Variants in BIRC6 observed in about 807,000 individuals in gnomAD.
BIRC6 encodes baculoviral IAP repeat containing 6.
Under a neutral mutation model 503.3 loss-of-function variants are expected in BIRC6, and 98 were observed. The ratio of observed to expected loss-of-function variants is 0.19; its 90% confidence interval spans 0.17 to 0.23. The LOEUF is 0.23. Among genes scored for constraint, BIRC6 ranks in the 10% least tolerant of loss-of-function variants. BIRC6 has a pLI of 1.00. For missense variants in BIRC6, 5,360 were observed against 5,806.0 expected (o/e 0.92, Z 2.50); for synonymous variants, 2,240 against 2,078.7 (o/e 1.08, Z -2.11).
intron 60 of BIRC6, 30 bp from the exon 61 acceptor site, chr2:32,531,325 C>A (rs376696169): frequency 3.9e-6 from 6 of 1,539,982 alleles, no homozygotes; most frequent in Non-Finnish European, 5.3e-6. Flanking sequence ...CCTTTCTTAC[C>A]TATTCAGTTA....
chr2:32,529,808 A>G lies in BIRC6; in HGVS notation c.12078A>G (p.Arg4026=). The change falls in exon 60 of 74, where the codon AGA becomes AGG. Residue 4026 remains arginine, a synonymous_variant. Transcript: ENST00000421745. ...PSLSKTDSYK[R]LHPEKDHGDL... is the part of the protein sequence containing the mutation. ...TATCAAAAACAGATTCTTATAAAAG[A>G]CTACACCCTGAAAAAGGTATGTGCA... The G allele has an allele frequency of 6.2e-7, 1 of 1,608,060 alleles. No homozygotes were observed. Among genetic ancestry groups the G allele is most frequent in the Non-Finnish European group, 8.5e-7 (1 of 1,177,226 alleles).
chr2:32,421,857 T>A (rs1317051354), intron 10 of BIRC6, among the ~76,000 whole-genome samples: 1 of 152,224 alleles, frequency 6.6e-6, no homozygotes, highest in Non-Finnish European at 1.5e-5. Context: ...ACGTGTATGT[T>A]TTTTAGTTGT....
intron 25 of BIRC6, 98 bp downstream of exon 25, chr2:32,464,921 G>A: frequency 7.0e-7 from 1 of 1,424,728 alleles, no homozygotes; most frequent in Non-Finnish European, 9.5e-7. Context: ...CCAACTAGAT[G>A]TATCAAGTTA....
rs116727308 is a variant in BIRC6 at position 32,420,965 on chromosome 2, G to A, written c.2872+4802G>A. ...TTTTTTTTTTTTTTCAGAACAACCAGCTTCTGATTTAAATGACATTTTTTT... is the reference window on the plus strand; with the variant it reads ...TTTTTTTTTTTTTTCAGAACAACCAACTTCTGATTTAAATGACATTTTTTT... On this transcript the variant is annotated intron_variant, in intron 10 of 73. Transcript: ENST00000421745. Among the ~76,000 whole-genome samples, 480 of 141,794 alleles carry A rather than the reference G, an allele frequency of 3.4e-3. 4 individuals carry two copies. Among genetic ancestry groups the A allele is most frequent in the African/African-American group, 0.011 (428 of 38,278 alleles). The allele number at this position is 141,794 out of a possible 152,430, so 93.0% of individuals were successfully genotyped here. A position where few individuals can be genotyped will look rare whatever the true frequency, so the allele number is the denominator to read the frequency against.
intron 19 of BIRC6, among the ~76,000 whole-genome samples, chr2:32,442,958 A>G (rs1460147721): frequency 6.6e-6 from 1 of 152,170 alleles, no homozygotes; most frequent in East Asian, 1.9e-4. Context: ...TGAGCCATAT[A>G]TATAGTATTG....
At chr2:32,500,783 T>G (rs2053092405) in intron 46 of BIRC6, among the ~76,000 whole-genome samples, 1 of 151,890 alleles carries the variant, frequency 6.6e-6, no homozygotes, top group South Asian at 2.1e-4. Context: ...TTTTTTGTAT[T>G]TAGTAGAGAT....
intron 66 of BIRC6, among the ~76,000 whole-genome samples, chr2:32,589,371 T>A (rs550020158): frequency 6.6e-6 from 1 of 152,290 alleles, no homozygotes; most frequent in South Asian, 2.1e-4. Flanking sequence ...CCCCACTTCC[T>A]TTTTATATAC....
intron 46 of BIRC6, among the ~76,000 whole-genome samples, chr2:32,501,150 T>C (rs550280451): frequency 3.9e-5 from 6 of 152,352 alleles, no homozygotes; most frequent in African/African-American, 1.4e-4. Flanking sequence ...TTAAAATAAA[T>C]GAACATTTGT....
intron 12 of BIRC6, among the ~76,000 whole-genome samples, chr2:32,431,866 A>G (rs1192453598): frequency 6.6e-6 from 1 of 152,258 alleles, no homozygotes; most frequent in African/African-American, 2.4e-5. Context: ...CATAAAAGCT[A>G]TGAAGAATGT....
intron 31 of BIRC6, 86 bp from the exon 32 acceptor site, chr2:32,470,928 A>G (rs2049032309): frequency 7.4e-7 from 1 of 1,345,876 alleles, no homozygotes; most frequent in Non-Finnish European, 1.0e-6. Context: ...GATTTATAGA[A>G]TGTTTTGTTT....
chr2:32,467,975 A>G lies in BIRC6; in HGVS notation c.5644A>G (p.Thr1882Ala). The G allele has an allele frequency of 6.2e-7, 1 of 1,613,800 alleles. No individual in the cohort carries two copies. Among genetic ancestry groups the G allele is most frequent in the Non-Finnish European group, 8.5e-7 (1 of 1,179,822 alleles). Residue 1882 changes from threonine to alanine, a missense_variant, in exon 28 of 74, where the codon ACC becomes GCC. Around this residue, in one of 16 missense-constraint regions of BIRC6, gnomAD observed 2,299 missense variants for 2,267.2 expected, o/e 1.01. Coordinates refer to ENST00000421745, the MANE Select transcript of BIRC6 (RefSeq NM_016252.4). ...CCCATTAGGATTTTACTATGGTCAT[A>G]CCTACATCTTGCCTTGGGAAAGTGA... is the stretch of plus-strand genomic sequence containing the variant. ...KIPLGFYYGH[T>A]YILPWESELK... is the part of the protein sequence containing the mutation.
rs55964632 is a variant in BIRC6, at chr2:32,403,928, GTT to G, written c.1418+2320_1418+2321del. Among the ~76,000 whole-genome samples the G allele has an allele frequency of 6.8e-3, 890 of 130,636 alleles. 4 individuals carry two copies. The highest frequency in any genetic ancestry group is 0.022 in the African/African-American group (772 of 35,050). The allele number at this position is 130,636 out of a possible 152,430, so 85.7% of individuals were successfully genotyped here. Reference sequence around the variant, plus strand: ...TAGTTTCTTTTTAAAATGTGTGTGTGTTTTTTTTTTTTTTTTGGAGACAGAGT... The same window carrying G: ...TAGTTTCTTTTTAAAATGTGTGTGTGTTTTTTTTTTTTTTGGAGACAGAGT... On this transcript the variant is annotated intron_variant, in intron 8 of 73. Transcript: ENST00000421745.
chr2:32,362,259 T>A (rs370538478), intron 1 of BIRC6, among the ~76,000 whole-genome samples: 37 of 152,254 alleles, frequency 2.4e-4, no homozygotes, highest in African/African-American at 8.7e-4. Context: ...AATGACATGA[T>A]GTTGAGCATC....
intron 37 of BIRC6, 71 bp from the exon 38 acceptor site, chr2:32,481,249 C>A: frequency 3.9e-6 from 5 of 1,283,272 alleles, no homozygotes; most frequent in East Asian, 2.9e-5. Context: ...CTTTTTTTAA[C>A]TAAAAGCATT....
intron 15 of BIRC6, among the ~76,000 whole-genome samples, chr2:32,438,793 C>T (rs1408770524): frequency 6.6e-6 from 1 of 152,082 alleles, no homozygotes; most frequent in Non-Finnish European, 1.5e-5. Flanking sequence ...ATCTCCTGAC[C>T]TTGTGATCTG....
intron 26 of BIRC6, among the ~76,000 whole-genome samples, chr2:32,465,913 C>G (rs1217354274): frequency 4.3e-5 from 6 of 140,274 alleles, no homozygotes; most frequent in Admixed American, 3.5e-4. Context: ...ACAGTATTTT[C>G]TGCCCAACTA....
At chr2:32,590,737 A>G in intron 66 of BIRC6, 1 of 955,194 alleles carries the variant, frequency 1.0e-6, no homozygotes, top group Non-Finnish European at 1.2e-6. Context: ...TTCACAGCAT[A>G]GTGGAAAATG....
chr2:32,360,822 T>G (rs928288441), intron 1 of BIRC6, among the ~76,000 whole-genome samples: 37 of 152,218 alleles, frequency 2.4e-4, no homozygotes, highest in Non-Finnish European at 4.4e-5. Flanking sequence ...TATTTCAAGC[T>G]CCTTGTGGGG....
intron 26 of BIRC6, among the ~76,000 whole-genome samples, chr2:32,465,613 C>G (rs1199694492): frequency 6.6e-6 from 1 of 152,100 alleles, no homozygotes; most frequent in African/African-American, 2.4e-5. Flanking sequence ...CTGAGTTTGT[C>G]TTCTGCTTAT....
Sources: allele counts gnomAD v4.1 joint callset (sites outside exome capture counted in the v4.1 genomes callset), GRCh38; gene constraint gnomAD v4.1.1; regional missense constraint gnomAD v4.1.1; transcripts MANE v1.5; gene names NCBI Gene and HGNC (gene_info 2026-07-23, HGNC 2026-07-21).